The following TTC19 variants were observed in gnomAD, a reference collection of about 807,000 sequenced individuals.
The protein encoded by TTC19 is tetratricopeptide repeat domain 19.
Under a neutral mutation model 49.5 loss-of-function variants are expected in TTC19, and 38 were observed. The observed-to-expected ratio is 0.77, with a 90% CI of 0.59 to 1.01. The LOEUF is 1.01. Ranked by LOEUF, TTC19 falls within the 50% of genes least tolerant of loss-of-function variation. The probability of loss-of-function intolerance (pLI) is 0.00; values close to 1 mark genes in which losing one functional copy is unlikely to be tolerated. For synonymous variants in TTC19, 204 were observed against 185.2 expected (o/e 1.10, Z -0.83); for missense variants, 475 against 477.7 (o/e 0.99, Z 0.05).
At chr17:16,008,318 C>T (rs1402237317) in intron 7 of TTC19, among the ~76,000 whole-genome samples, 1 of 152,184 alleles carries the variant, frequency 6.6e-6, no homozygotes, top group Non-Finnish European at 1.5e-5. Flanking sequence ...TTTTGCCGCT[C>T]ACAACTTGTT....
At chr17:16,037,655 GGA>G (rs2066602601) in intron 2 of TTC19, among the ~76,000 whole-genome samples, 1 of 152,076 alleles carries the variant, frequency 6.6e-6, no homozygotes, top group Non-Finnish European at 1.5e-5. Context: ...TTTCCCAACT[GGA>G]ATTAATACAC....
chr17:16,003,936 C>T (rs767904830), intron 5 of TTC19, 49 bp downstream of exon 5: 31 of 1,590,398 alleles, frequency 1.9e-5, no homozygotes, highest in Non-Finnish European at 2.5e-5. Context: ...GTTTTCAAAA[C>T]AGTCTTGTCT....
chr17:16,000,455 A>ACTTGACACTGCAGAG, intron 2 of TTC19: 1 of 1,391,410 alleles, frequency 7.2e-7, no homozygotes, highest in Non-Finnish European at 9.4e-7. Context: ...AAACCTCTGC[A>ACTTGACACTGCAGAG]GTGTCAAGTG....
chr17:16,041,381 G>T (rs1205990640), intron 2 of TTC19: 1 of 143,318 alleles, frequency 7.0e-6, no homozygotes, highest in Non-Finnish European at 1.5e-5. Flanking sequence ...GCCAAATGAT[G>T]TGTCCCAAAG....
At chr17:16,033,063 A>C (rs1490114943), downstream of TTC19, among the ~76,000 whole-genome samples, 1 of 152,160 alleles carries the variant, frequency 6.6e-6, no homozygotes, top group Non-Finnish European at 1.5e-5. Flanking sequence ...ACGCAAAAAC[A>C]GGCTGGGCGC....
chr17:16,039,693 A>AGGCC, intron 2 of TTC19: 1 of 1,550,890 alleles, frequency 6.4e-7, no homozygotes, highest in Non-Finnish European at 8.8e-7. Context: ...TATTTCTGAA[A>AGGCC]GGCCAATCAG....
At chr17:16,026,440 A>C in intron 8 of TTC19, 100 bp from the exon 9 acceptor site, 1 of 1,124,396 alleles carries the variant, frequency 8.9e-7, no homozygotes, top group Non-Finnish European at 1.3e-6. Context: ...GAATGCTAGG[A>C]AAGATGAAAT....
At chr17:16,004,167 G>A (rs1970824719) in intron 5 of TTC19, 34 bp from the exon 6 acceptor site, 1 of 1,604,492 alleles carries the variant, frequency 6.2e-7, no homozygotes, top group African/African-American at 1.3e-5. Context: ...AAATTTACTT[G>A]TTATGAGTTC....
downstream of TTC19, among the ~76,000 whole-genome samples, chr17:16,032,988 C>T (rs1181337298): frequency 6.6e-6 from 1 of 152,212 alleles, no homozygotes; most frequent in Non-Finnish European, 1.5e-5. Flanking sequence ...TTAATGAACA[C>T]TGCTACCCTT....
intron 7 of TTC19, 43 bp downstream of exon 7, chr17:16,006,611 G>A (rs751226265): frequency 3.1e-6 from 4 of 1,289,800 alleles, no homozygotes; most frequent in Non-Finnish European, 4.5e-6. Context: ...CTCCACAAAA[G>A]GCTTTACTTT....
chr17:16,035,413 C>T (rs1483309817), intron 2 of TTC19, among the ~76,000 whole-genome samples: 5 of 152,064 alleles, frequency 3.3e-5, no homozygotes, highest in Non-Finnish European at 5.9e-5. Flanking sequence ...GATTCAATCT[C>T]AAGAAACCAC....
intron 2 of TTC19, chr17:16,040,416 G>T: frequency 6.2e-7 from 1 of 1,608,854 alleles, no homozygotes; most frequent in Non-Finnish European, 8.5e-7. Context: ...TTTTGTATTG[G>T]TAAATAATGT....
chr17:16,042,409 G>T (rs1345011582), intron 2 of TTC19, among the ~76,000 whole-genome samples: 1 of 152,148 alleles, frequency 6.6e-6, no homozygotes, highest in East Asian at 1.9e-4. Flanking sequence ...GTTAACCAAT[G>T]ATAATCCTTA....
At chr17:16,029,457 A>G, downstream of TTC19, 1 of 282,838 alleles carries the variant, frequency 3.5e-6, no homozygotes, top group Non-Finnish European at 7.0e-6. Flanking sequence ...AGAATCACTC[A>G]GTGTACCAAA....
downstream of TTC19, chr17:16,032,056 C>T (rs1972106218): frequency 6.4e-6 from 3 of 465,118 alleles, no homozygotes; most frequent in Non-Finnish European, 1.1e-5. Context: ...ACATCTCAAC[C>T]CTCCACTATT....
At position 16,027,745 on chromosome 17, in the gene TTC19, A is replaced by C. The variant is rs1408600335; in HGVS notation, c.*223A>C. On this transcript the variant is annotated 3_prime_UTR_variant, in exon 10 of 10. Coordinates refer to ENST00000261647, the MANE Select transcript of TTC19 (RefSeq NM_017775.4). ...GATTATGACCTTTCAGGATGTCGTC[A>C]AGTGATGCTTTCAGTTGTAACACGT... 3.3e-6 allele frequency: 2 copies of C among 611,208 alleles called. No individual in the cohort carries two copies. Among genetic ancestry groups the C allele is most frequent in the East Asian group, 6.7e-5 (2 of 29,736 alleles). The allele number at this position is 611,208 out of a possible 1,614,324, so 37.9% of individuals were successfully genotyped here. A position where few individuals can be genotyped will look rare whatever the true frequency, so the allele number is the denominator to read the frequency against.
At chr17:16,040,775 C>T in intron 2 of TTC19, 1 of 412,348 alleles carries the variant, frequency 2.4e-6, no homozygotes, top group South Asian at 2.3e-5. Context: ...CACTCCTAGT[C>T]CCCCAGCTAC....
At chr17:16,012,077 C>G (rs1203882891) in intron 7 of TTC19, among the ~76,000 whole-genome samples, 2 of 151,030 alleles carry the variant, frequency 1.3e-5, no homozygotes, top group African/African-American at 2.4e-5. Context: ...TTTATTGGAG[C>G]TTTATTGTAA....
At chr17:16,041,760 G>A (rs907508495) in intron 2 of TTC19, among the ~76,000 whole-genome samples, 1 of 151,052 alleles carries the variant, frequency 6.6e-6, no homozygotes, top group Non-Finnish European at 1.5e-5. Context: ...TTTTTAAGAC[G>A]GAGTCTCACT....
Sources: allele counts gnomAD v4.1 joint callset (sites outside exome capture counted in the v4.1 genomes callset), GRCh38; gene constraint gnomAD v4.1.1; transcripts MANE v1.5; gene names NCBI Gene and HGNC (gene_info 2026-07-23, HGNC 2026-07-21).